LMTK2: variants seen among roughly 807,000 people sequenced by gnomAD.
The protein encoded by LMTK2 is serine/threonine-protein kinase LMTK2.
A neutral mutation model predicts 127.5 loss-of-function variants in LMTK2; 37 were observed. The ratio of observed to expected loss-of-function variants is 0.29; its 90% confidence interval spans 0.22 to 0.38. The LOEUF is 0.38. LMTK2 is among the 10% of genes least tolerant of loss of function. The pLI is 1.00. For synonymous variants in LMTK2, 819 were observed against 810.1 expected (o/e 1.01, Z -0.19); for missense variants, 1,694 against 1,920.3 (o/e 0.88, Z 2.20).
intron 4 of LMTK2, 24 bp from the exon 5 acceptor site, chr7:98,154,734 C>A: frequency 6.8e-7 from 1 of 1,471,470 alleles, no homozygotes; most frequent in Non-Finnish European, 9.5e-7. Context: ...GGAAATGACA[C>A]AAAAAACTGT....
intron 7 of LMTK2, among the ~76,000 whole-genome samples, chr7:98,179,020 GCAGGACC>G (rs1797313202): frequency 1.3e-5 from 2 of 152,158 alleles, no homozygotes; most frequent in Admixed American, 1.3e-4. Flanking sequence ...GAGGAGTGGG[GCAGGACC>G]CAGTCCTGCC....
intron 6 of LMTK2, among the ~76,000 whole-genome samples, chr7:98,169,555 G>A (rs961444743): frequency 6.6e-6 from 1 of 152,208 alleles, no homozygotes; most frequent in African/African-American, 2.4e-5. Flanking sequence ...CCTTAGATGG[G>A]TATTGGTGGC....
chr7:98,141,527 T>C lies in LMTK2; in HGVS notation c.362T>C (p.Phe121Ser). The change falls in exon 3 of 14, where the codon TTC becomes TCC. Residue 121 changes from phenylalanine to serine, a missense_variant. Phe to Ser is a radical substitution (Grantham distance 155, BLOSUM62 -2). Coordinates refer to ENST00000297293, the MANE Select transcript of LMTK2 (RefSeq NM_014916.4). Reference protein sequence around the residue: ...PNISLPAPSQFQPSVEGLKSQ... With the variant: ...PNISLPAPSQSQPSVEGLKSQ... Reference sequence around the variant, plus strand: ...ATTTCACTCCCAGCTCCCTCGCAATTCCAGCCTTCTGTAGGTAAGACCATA... The same window carrying C: ...ATTTCACTCCCAGCTCCCTCGCAATCCCAGCCTTCTGTAGGTAAGACCATA... The C allele has an allele frequency of 6.2e-7, 1 of 1,614,072 alleles. No homozygotes were observed. Among genetic ancestry groups the C allele is most frequent in the Non-Finnish European group, 8.5e-7 (1 of 1,179,936 alleles).
At chr7:98,117,729 G>A (rs563054416) in intron 1 of LMTK2, among the ~76,000 whole-genome samples, 1 of 152,230 alleles carries the variant, frequency 6.6e-6, no homozygotes, top group Admixed American at 6.5e-5. Flanking sequence ...CACTTTGGGA[G>A]GCCGAGGTGG....
intron 13 of LMTK2, among the ~76,000 whole-genome samples, chr7:98,204,724 T>C (rs2116487291): frequency 6.6e-6 from 1 of 152,366 alleles, no homozygotes; most frequent in Admixed American, 6.5e-5. Flanking sequence ...CCGGCCACCC[T>C]GTGGGGCCAG....
At chr7:98,137,248 T>G (rs948999534) in intron 1 of LMTK2, 67 bp from the exon 2 acceptor site, 4 of 1,460,414 alleles carry the variant, frequency 2.7e-6, no homozygotes, top group Middle Eastern at 2.0e-4. Context: ...GGAAAATATA[T>G]TGATTCACTA....
chr7:98,185,856 C>G (rs1267899248), intron 8 of LMTK2, among the ~76,000 whole-genome samples: 2 of 152,012 alleles, frequency 1.3e-5, no homozygotes, highest in African/African-American at 2.4e-5. Context: ...GTCACCCCAC[C>G]CAGCCTTGAC....
At chr7:98,159,545 T>C (rs1796982244) in intron 6 of LMTK2, 120 bp downstream of exon 6, 3 of 700,922 alleles carry the variant, frequency 4.3e-6, no homozygotes, top group East Asian at 5.4e-5. Context: ...TGAAGAACTT[T>C]ATGATGAGTT....
At chr7:98,169,906 A>G (rs1341129811) in intron 6 of LMTK2, among the ~76,000 whole-genome samples, 1 of 152,228 alleles carries the variant, frequency 6.6e-6, no homozygotes, top group East Asian at 1.9e-4. Context: ...TATGAAGGAC[A>G]GCAATGCCAG....
At chr7:98,113,780 A>G (rs898066375) in intron 1 of LMTK2, among the ~76,000 whole-genome samples, 2 of 152,206 alleles carry the variant, frequency 1.3e-5, no homozygotes, top group Non-Finnish European at 2.9e-5. Context: ...AAACTGGGGA[A>G]GTTATGGTAA....
chr7:98,136,609 G>A (rs1214740386), intron 1 of LMTK2, among the ~76,000 whole-genome samples: 1 of 152,228 alleles, frequency 6.6e-6, no homozygotes, highest in Non-Finnish European at 1.5e-5. Context: ...AGGTAGGCCT[G>A]CAGTGGGTTG....
At chr7:98,164,667 T>C (rs1460132642) in intron 6 of LMTK2, among the ~76,000 whole-genome samples, 1 of 152,122 alleles carries the variant, frequency 6.6e-6, no homozygotes, top group African/African-American at 2.4e-5. Context: ...GGGGAAGGCT[T>C]TGTAAAGGCA....
At chr7:98,165,968 G>T (rs1309108855) in intron 6 of LMTK2, among the ~76,000 whole-genome samples, 1 of 151,942 alleles carries the variant, frequency 6.6e-6, no homozygotes, top group African/African-American at 2.4e-5. Flanking sequence ...GATTGGGTCG[G>T]GGGTACGTTC....
chr7:98,203,006 A>G (rs941593943), intron 11 of LMTK2, among the ~76,000 whole-genome samples: 2 of 152,188 alleles, frequency 1.3e-5, no homozygotes, highest in Admixed American at 1.3e-4. Context: ...CCCGCTCGTG[A>G]TCACAGTCCT....
chr7:98,140,099 T>G lies in LMTK2; in HGVS notation c.232-1298T>G, dbSNP rs139815511. On this transcript the variant is annotated intron_variant, in intron 2 of 13. Coordinates refer to ENST00000297293, the MANE Select transcript of LMTK2 (RefSeq NM_014916.4). ...ACAACTTTCTTTCTTTCTTTCTTTC[T>G]TTCTTTCTTTCTTTCTTTCTTTCTT... 1.5e-3 allele frequency among the ~76,000 whole-genome samples: 4 copies of G among 2,634 alleles called. 1 individual carries two copies. Among genetic ancestry groups the G allele is most frequent in the South Asian group, 0.033 (1 of 30 alleles). The allele number at this position is 2,634 out of a possible 152,430, so 1.7% of individuals were successfully genotyped here.
At chr7:98,202,508 G>A (rs548583911) in intron 11 of LMTK2, among the ~76,000 whole-genome samples, 9 of 152,202 alleles carry the variant, frequency 5.9e-5, no homozygotes, top group Admixed American at 2.6e-4. Context: ...CTCCTATCAT[G>A]TTAGGCAGTC....
chr7:98,163,811 A>G (rs1375465702), intron 6 of LMTK2, among the ~76,000 whole-genome samples: 1 of 152,140 alleles, frequency 6.6e-6, no homozygotes. Context: ...AACCCAAGGC[A>G]GGACCTGCCC....
In LMTK2 at chr7:98,207,955, TA is replaced by T. The variant is rs1797834653; in HGVS notation, c.*2464del. The T allele has an allele frequency of 1.3e-5, 2 of 151,428 alleles. No individual in the cohort carries two copies. Among genetic ancestry groups the T allele is most frequent in the Non-Finnish European group, 2.9e-5 (2 of 67,920 alleles). The allele number at this position is 151,428 out of a possible 1,614,324, so 9.4% of individuals were successfully genotyped here. ...AATACAAAATATATATATATATATA[TA>T]TACTAGCTGGGGCACATAGTGGTGT... is the stretch of plus-strand genomic sequence containing the variant. On this transcript the variant is annotated 3_prime_UTR_variant, in exon 14 of 14. Transcript: ENST00000297293.
chr7:98,193,747 T>G lies in LMTK2; in HGVS notation c.3282T>G (p.Ala1094=), dbSNP rs189429035. 5 of 1,613,930 alleles carry G rather than the reference T, an allele frequency of 3.1e-6. No individual in the cohort carries two copies. The Admixed American group carries it at 6.7e-5, about 22-fold the overall frequency. The change falls in exon 11 of 14, where the codon GCT becomes GCG. Residue 1094 remains alanine, a synonymous_variant. Transcript: ENST00000297293. The surrounding 1 kb of genome is among the most constrained non-coding windows in gnomAD (Gnocchi z 4.1). ...GTEVTPETFT[A]GSQGSYRDSA... is the part of the protein sequence containing the mutation. ...AAGTGACCCCTGAGACGTTCACAGC[T>G]GGCTCCCAGGGTTCATACCGAGACT...
Sources: gnomAD v4.1 joint callset for allele counts (sites outside exome capture counted in the v4.1 genomes callset) on GRCh38, gnomAD v4.1.1 for gene constraint, Gnocchi (gnomAD v3.1) non-coding constraint, MANE v1.5 for transcripts, NCBI Gene and HGNC (gene_info 2026-07-23, HGNC 2026-07-21) for gene names.